NBEAL1: variants seen among roughly 807,000 people sequenced by gnomAD.
The protein encoded by NBEAL1 is neurobeachin like 1.
A neutral mutation model predicts 351.3 loss-of-function variants in NBEAL1; 273 were observed. That is an observed-to-expected ratio of 0.78 (90% CI 0.70 to 0.86). NBEAL1 has a LOEUF of 0.86. Among genes scored for constraint, NBEAL1 ranks in the 40% least tolerant of loss-of-function variants. The pLI is 0.00. For missense variants in NBEAL1, 2,961 were observed against 3,201.3 expected, an observed-to-expected ratio of 0.92 and a Z score of 1.81; for synonymous variants, 1,050 against 1,086.4, an observed-to-expected ratio of 0.97 and a Z score of 0.66.
At chr2:203,213,788 T>C in intron 55 of NBEAL1, 135 bp downstream of exon 55, 2 of 1,511,822 alleles carry the variant, frequency 1.3e-6, no homozygotes, top group South Asian at 2.6e-5. Flanking sequence ...CAAAAGGCAG[T>C]AAATAAAAAC....
rs1342657893 is a variant in NBEAL1, at chr2:203,052,232, GC to G, written c.305+2261del. The G allele has an allele frequency of 2.7e-5, 4 of 148,688 alleles. No individual in the cohort carries two copies. The East Asian group carries it at 7.8e-4, about 29-fold the overall frequency. The allele number at this position is 148,688 out of a possible 1,614,324, so 9.2% of individuals were successfully genotyped here. On this transcript the variant is annotated intron_variant, in intron 4 of 55. Coordinates refer to ENST00000683969, the MANE Select transcript of NBEAL1 (RefSeq NM_001378026.1). ...ACACACACACCCCATACCCCTGCCC[GC>G]CCCAACCTCTGTCAACCACTGATTT...
chr2:203,078,817 T>C (rs1397835794), intron 8 of NBEAL1, among the ~76,000 whole-genome samples: 1 of 152,198 alleles, frequency 6.6e-6, no homozygotes, highest in Non-Finnish European at 1.5e-5. Context: ...TCAGAATGTT[T>C]TAAATGCCTG....
chr2:203,026,357 A>G (rs1355896636), intron 2 of NBEAL1, among the ~76,000 whole-genome samples: 1 of 152,150 alleles, frequency 6.6e-6, no homozygotes. Flanking sequence ...TACAATTACT[A>G]AGAATAGTTT....
intron 12 of NBEAL1, among the ~76,000 whole-genome samples, chr2:203,102,197 A>G (rs1290511984): frequency 2.6e-5 from 4 of 152,228 alleles, no homozygotes; most frequent in African/African-American, 7.2e-5. Flanking sequence ...TATTAGATCA[A>G]GGAGCTTTTA....
chr2:203,015,384 T>C (rs922374346), intron 1 of NBEAL1, among the ~76,000 whole-genome samples: 1 of 152,092 alleles, frequency 6.6e-6, no homozygotes, highest in African/African-American at 2.4e-5. Flanking sequence ...CTCCGAGGAT[T>C]GTTAGAACAA....
chr2:203,132,007 A>T lies in NBEAL1; in HGVS notation c.3599A>T (p.Tyr1200Phe). 2 of 1,551,476 alleles carry T rather than the reference A, an allele frequency of 1.3e-6. No individual in the cohort carries two copies. Among genetic ancestry groups the T allele is most frequent in the Non-Finnish European group, 1.7e-6 (2 of 1,146,640 alleles). ...MEQMLKCTNV[Y>F]ERSKQHIRLR... ...CAAATGTTGAAATGCACGAACGTTT[A>T]TGAGCGTAGTAAACAACATATTCGA... The change falls in exon 26 of 56, where the codon TAT becomes TTT. Residue 1200 changes from tyrosine to phenylalanine, a missense_variant. Transcript: ENST00000683969.
At chr2:203,018,393 G>A (rs554574061) in intron 2 of NBEAL1, among the ~76,000 whole-genome samples, 1 of 151,904 alleles carries the variant, frequency 6.6e-6, no homozygotes, top group South Asian at 2.1e-4. Flanking sequence ...GCTTGAAATC[G>A]TAGTTTAGTT....
At chr2:203,099,102 C>T (rs2062248444) in intron 11 of NBEAL1, among the ~76,000 whole-genome samples, 1 of 151,816 alleles carries the variant, frequency 6.6e-6, no homozygotes, top group South Asian at 2.1e-4. Flanking sequence ...ATGGAGAAAC[C>T]CTGTCTCTAC....
intron 46 of NBEAL1, 189 bp downstream of exon 46, chr2:203,190,578 T>G (rs1250146515): frequency 1.5e-6 from 1 of 669,854 alleles, no homozygotes; most frequent in Admixed American, 3.0e-5. Context: ...GGTATGCCAT[T>G]AAAACTGTCC....
intron 4 of NBEAL1, among the ~76,000 whole-genome samples, chr2:203,054,945 C>T (rs886850743): frequency 6.6e-6 from 1 of 152,060 alleles, no homozygotes; most frequent in Non-Finnish European, 1.5e-5. Context: ...AGTTTTTGTC[C>T]CTTTTCAACA....
chr2:203,215,344 C>CA (rs1042291252), intron 55 of NBEAL1, among the ~76,000 whole-genome samples: 43 of 151,264 alleles, frequency 2.8e-4, no homozygotes, highest in African/African-American at 8.7e-4. Flanking sequence ...ACTAAAAATA[C>CA]AAAAAAAAAT....
chr2:203,167,957 G>A (rs544402669), intron 38 of NBEAL1, among the ~76,000 whole-genome samples: 68 of 152,186 alleles, frequency 4.5e-4, no homozygotes, highest in African/African-American at 7.2e-4. Flanking sequence ...TAAAATATTC[G>A]CATTTTAATT....
intron 2 of NBEAL1, among the ~76,000 whole-genome samples, chr2:203,024,307 C>CGGG (rs1263060842): frequency 1.3e-5 from 2 of 151,920 alleles, no homozygotes; most frequent in African/African-American, 4.8e-5. Context: ...CCTGTAATCC[C>CGGG]AGCATTTTGG....
At chr2:203,128,944 G>A (rs1355681124) in intron 24 of NBEAL1, among the ~76,000 whole-genome samples, 1 of 152,178 alleles carries the variant, frequency 6.6e-6, no homozygotes, top group Non-Finnish European at 1.5e-5. Context: ...TACATAAAGA[G>A]TAAATTATAA....
At chr2:203,057,149 G>C (rs1005706359) in intron 5 of NBEAL1, among the ~76,000 whole-genome samples, 177 bp from the exon 6 acceptor site, 2 of 151,968 alleles carry the variant, frequency 1.3e-5, no homozygotes, top group Non-Finnish European at 2.9e-5. Context: ...AAGGTGTTTG[G>C]CTATTTATTT....
intron 39 of NBEAL1, 128 bp downstream of exon 39, chr2:203,169,979 C>G (rs1187485845): frequency 3.2e-6 from 2 of 616,428 alleles, no homozygotes; most frequent in African/African-American, 1.9e-5. Flanking sequence ...TTTGAATTAT[C>G]TTTGAATCTT....
intron 17 of NBEAL1, 55 bp downstream of exon 17, chr2:203,113,373 A>G: frequency 2.1e-6 from 2 of 969,084 alleles, no homozygotes; most frequent in Non-Finnish European, 2.8e-6. Context: ...TTTGTTGTCT[A>G]AATATATTCT....
intron 38 of NBEAL1, among the ~76,000 whole-genome samples, chr2:203,168,455 T>C (rs2064207909): frequency 6.6e-6 from 1 of 152,054 alleles, no homozygotes; most frequent in African/African-American, 2.4e-5. Context: ...TGGTGGCACA[T>C]GCCTGTAATC....
Position 203,069,961 on chromosome 2 carries a change from G to T in NBEAL1, c.598+1486G>T, listed in dbSNP as rs13382690. On this transcript the variant is annotated intron_variant, in intron 7 of 55. Transcript: ENST00000683969. ...AGGTGAGAGCCACCATGCCCAGCCT[G>T]ATTTGTTTTAAATTGTATTTTTCAT... 6.5e-3 allele frequency among the ~76,000 whole-genome samples: 983 copies of T among 152,232 alleles called. 10 individuals carry two copies. The highest frequency in any genetic ancestry group is 0.023 in the African/African-American group (948 of 41,530).
Sources: allele counts gnomAD v4.1 joint callset (sites outside exome capture counted in the v4.1 genomes callset), GRCh38; gene constraint gnomAD v4.1.1; transcripts MANE v1.5; gene names NCBI Gene and HGNC (gene_info 2026-07-23, HGNC 2026-07-21).